Variants in MAP4K4 observed in about 807,000 individuals in gnomAD.
The protein encoded by MAP4K4 is HPK/GCK-like kinase HGK.
MAP4K4 carries 38 observed loss-of-function variants against 189.6 expected under a neutral mutation model. The ratio of observed to expected loss-of-function variants is 0.20; its 90% CI spans 0.15 to 0.26. The LOEUF (loss-of-function observed/expected upper bound fraction) is 0.26, where lower values mean the gene tolerates loss of function less well. Ranked by LOEUF, MAP4K4 falls within the 10% of genes least tolerant of loss-of-function variation. The pLI is 1.00. For synonymous variants in MAP4K4, 610 were observed against 624.3 expected (o/e 0.98, Z 0.34); for missense variants, 1,054 against 1,726.9 (o/e 0.61, Z 6.91).
chr2:101,733,024 T>C (rs908297976), intron 2 of MAP4K4, among the ~76,000 whole-genome samples: 3 of 152,258 alleles, frequency 2.0e-5, no homozygotes, highest in Non-Finnish European at 2.9e-5. Flanking sequence ...TCTCTGCCAA[T>C]GTTACTACGT....
intron 28 of MAP4K4, among the ~76,000 whole-genome samples, chr2:101,883,000 C>A (rs1177217691): frequency 6.6e-6 from 1 of 152,336 alleles, no homozygotes; most frequent in African/African-American, 2.4e-5. Context: ...AGTCCACATT[C>A]TTCTCCTCTG....
chr2:101,869,145 CT>C (rs2097906572), intron 21 of MAP4K4, among the ~76,000 whole-genome samples: 1 of 151,482 alleles, frequency 6.6e-6, no homozygotes, highest in South Asian at 2.1e-4. Flanking sequence ...AATATTAAAC[CT>C]TAGCGCTTTG....
intron 8 of MAP4K4, among the ~76,000 whole-genome samples, chr2:101,835,123 AG>A (rs2096710165): frequency 6.6e-6 from 1 of 152,244 alleles, no homozygotes. Context: ...GCTAAAAATT[AG>A]TTTTCAGTAT....
intron 29 of MAP4K4, among the ~76,000 whole-genome samples, chr2:101,886,453 C>T (rs2150299347): frequency 6.6e-6 from 1 of 152,332 alleles, no homozygotes; most frequent in East Asian, 1.9e-4. Context: ...TCTCGCTCTA[C>T]TGTGCATTTG....
chr2:101,868,551 TCTCA>T (rs1215598047), intron 21 of MAP4K4, among the ~76,000 whole-genome samples: 4 of 152,242 alleles, frequency 2.6e-5, no homozygotes, highest in African/African-American at 7.2e-5. Context: ...TCTTAGAGTA[TCTCA>T]GTGTGGAAGA....
intron 2 of MAP4K4, among the ~76,000 whole-genome samples, chr2:101,765,866 C>A (rs966655238): frequency 3.3e-5 from 5 of 152,036 alleles, no homozygotes; most frequent in African/African-American, 1.2e-4. Flanking sequence ...CTCTGTGAGG[C>A]GTATTTTAAA....
chr2:101,870,190 G>A (rs988133540), intron 22 of MAP4K4, 105 bp from the exon 23 acceptor site: 15 of 1,168,060 alleles, frequency 1.3e-5, no homozygotes, highest in Non-Finnish European at 1.8e-5. Context: ...GCTTTATATC[G>A]GTAGCCTCAT....
intron 11 of MAP4K4, among the ~76,000 whole-genome samples, chr2:101,843,322 T>G (rs1221969803): frequency 1.3e-5 from 2 of 152,192 alleles, no homozygotes; most frequent in African/African-American, 4.8e-5. Flanking sequence ...GGGAGCCGTG[T>G]GCCAGAGAAT....
chr2:101,805,601 T>C (rs1182986488), intron 3 of MAP4K4, among the ~76,000 whole-genome samples: 1 of 152,244 alleles, frequency 6.6e-6, no homozygotes, highest in Non-Finnish European at 1.5e-5. Context: ...CTGTGATGGA[T>C]AAGAGATGCT....
At chr2:101,839,649 C>T (rs1417217371) in intron 9 of MAP4K4, among the ~76,000 whole-genome samples, 170 bp from the exon 10 acceptor site, 2 of 152,182 alleles carry the variant, frequency 1.3e-5, no homozygotes, top group African/African-American at 4.8e-5. Flanking sequence ...GCTCCTGATC[C>T]TCAACAGTCC....
At chr2:101,797,130 TGGAG>T (rs1280902254) in intron 3 of MAP4K4, 3 of 901,188 alleles carry the variant, frequency 3.3e-6, no homozygotes, top group Non-Finnish European at 4.4e-6. Flanking sequence ...CCTTTTCATT[TGGAG>T]GGGAGCACAA....
rs149283961 is a variant in MAP4K4, at chr2:101,729,101, A to AGAGT, written c.123+30564_123+30565insAGTG. The stretch of plus-strand genomic sequence containing the variant: ...AGGAGAGAGAGAGAGAGAGAGAGAG[A>AGAGT]GTGTGTGTGTGTGTGTGTGTGTGTG... On this transcript the variant is annotated intron_variant, in intron 2 of 32. Coordinates refer to ENST00000324219, the Ensembl canonical transcript of MAP4K4. Among the ~76,000 whole-genome samples the AGAGT allele has an allele frequency of 3.0e-3, 390 of 130,586 alleles. 1 individual carries two copies. Among genetic ancestry groups the AGAGT allele is most frequent in the East Asian group, 0.01 (44 of 4,294 alleles). The allele number at this position is 130,586 out of a possible 152,430, so 85.7% of individuals were successfully genotyped here.
chr2:101,799,057 T>C (rs1452376933), intron 3 of MAP4K4, among the ~76,000 whole-genome samples: 1 of 152,204 alleles, frequency 6.6e-6, no homozygotes, highest in Non-Finnish European at 1.5e-5. Flanking sequence ...TTGCTCCTCT[T>C]TCCCAGGAAC....
chr2:101,844,010 G>A (rs1464021388), intron 11 of MAP4K4, 91 bp from the exon 12 acceptor site: 32 of 811,048 alleles, frequency 3.9e-5, no homozygotes, highest in Non-Finnish European at 6.2e-5. Flanking sequence ...GAGAATGAAT[G>A]TAGAAATGGG....
intron 14 of MAP4K4, 122 bp downstream of exon 14, chr2:101,859,204 A>T: frequency 1.4e-6 from 1 of 716,648 alleles, no homozygotes; most frequent in South Asian, 1.9e-5. Flanking sequence ...AGGCTGAAAT[A>T]GTGATGCCCA....
chr2:101,706,830 G>A (rs937248162), intron 2 of MAP4K4, among the ~76,000 whole-genome samples: 1 of 152,164 alleles, frequency 6.6e-6, no homozygotes, highest in African/African-American at 2.4e-5. Context: ...GGGTATATGG[G>A]TATTAAGGTT....
chr2:101,761,040 G>A (rs2076160298), intron 2 of MAP4K4, among the ~76,000 whole-genome samples: 1 of 151,996 alleles, frequency 6.6e-6, no homozygotes, highest in African/African-American at 2.4e-5. Context: ...TTAACATGTT[G>A]GCAATTTAGA....
intron 7 of MAP4K4, 131 bp from the exon 8 acceptor site, chr2:101,834,277 GT>G (rs2096678508): frequency 2.1e-6 from 1 of 465,808 alleles, no homozygotes; most frequent in Non-Finnish European, 4.3e-6. Context: ...TTCTACAAAT[GT>G]GCTTGTACTT....
chr2:101,882,065 A>G (rs1203504044), intron 27 of MAP4K4, among the ~76,000 whole-genome samples: 1 of 152,240 alleles, frequency 6.6e-6, no homozygotes, highest in African/African-American at 2.4e-5. Context: ...CACATATCCT[A>G]CTTTAATAGA....
Sources: gnomAD v4.1 joint callset for allele counts (sites outside exome capture counted in the v4.1 genomes callset) on GRCh38, gnomAD v4.1.1 for gene constraint, MANE v1.5 for transcripts, NCBI Gene and HGNC (gene_info 2026-07-23, HGNC 2026-07-21) for gene names.